Variants in CNRIP1 observed in about 807,000 individuals in gnomAD.
CNRIP1 encodes cannabinoid receptor interacting protein 1.
Under a neutral mutation model 15.2 loss-of-function variants are expected in CNRIP1, and 10 were observed. That is an observed-to-expected ratio of 0.66 (90% CI 0.41 to 1.12). The LOEUF (loss-of-function observed/expected upper bound fraction) is 1.12. Ranked by LOEUF, CNRIP1 falls within the 50% of genes most tolerant of loss-of-function variation. The pLI is 0.00. For synonymous variants in CNRIP1, 91 were observed against 83.2 expected (o/e 1.09, Z -0.51); for missense variants, 211 against 214.7 (o/e 0.98, Z 0.11).
At position 68,317,282 on chromosome 2, in the gene CNRIP1, C is replaced by G; in HGVS notation, c.205G>C (p.Val69Leu). 6.2e-7 allele frequency: 1 copy of G among 1,614,082 alleles called. No homozygotes were observed. Among genetic ancestry groups the G allele is most frequent in the Non-Finnish European group, 8.5e-7 (1 of 1,180,032 alleles). ...VENISIGGVL[V>L]PLELKSKEPD... ...TCTTTAGACTTCAGTTCCAGTGGGA[C>G]AAGCACACCACCAATGGAAATATTC... is the stretch of plus-strand genomic sequence containing the variant. Residue 69 changes from valine (V) to leucine (L), a missense_variant, in exon 2 of 3, where the codon GTC becomes CTC. Transcript: ENST00000263655.
At chr2:68,289,643 G>A (rs376290720), downstream of CNRIP1, among the ~76,000 whole-genome samples, 294 of 152,090 alleles carry the variant, frequency 1.9e-3, 1 homozygote, top group African/African-American at 6.8e-3. Context: ...ACCACGCCCA[G>A]CTAATTTTTG....
chr2:68,292,138 C>G (rs1671188612), downstream of CNRIP1, among the ~76,000 whole-genome samples: 1 of 152,018 alleles, frequency 6.6e-6, no homozygotes, highest in Admixed American at 6.5e-5. Flanking sequence ...ATCTCAATGT[C>G]TGTTCAAATA....
chr2:68,296,205 A>G (rs1671350851), intron 2 of CNRIP1, among the ~76,000 whole-genome samples: 1 of 152,226 alleles, frequency 6.6e-6, no homozygotes. Flanking sequence ...TTTATTTTAT[A>G]TTGTTACATG....
intron 2 of CNRIP1, among the ~76,000 whole-genome samples, chr2:68,314,874 T>C (rs576125162): frequency 1.3e-5 from 2 of 152,134 alleles, no homozygotes; most frequent in East Asian, 3.9e-4. Context: ...TGAAATAATA[T>C]CTAAATCTGT....
intron 2 of CNRIP1, among the ~76,000 whole-genome samples, chr2:68,287,530 TGCTATGGGTCCAACAAAAGGTG>T (rs1435816031): frequency 6.6e-6 from 1 of 152,252 alleles, no homozygotes; most frequent in Non-Finnish European, 1.5e-5. Context: ...TTCTCACTTA[TGCTATGGGTCCAACAAAAGGTG>T]GCTAGGGTTC....
chr2:68,309,747 A>G (rs549414810), intron 2 of CNRIP1, among the ~76,000 whole-genome samples: 1 of 152,336 alleles, frequency 6.6e-6, no homozygotes, highest in South Asian at 2.1e-4. Context: ...ATAACCTAGA[A>G]AAATCCTGGA....
intron 2 of CNRIP1, among the ~76,000 whole-genome samples, chr2:68,304,528 T>C (rs1045065645): frequency 1.3e-5 from 2 of 152,174 alleles, no homozygotes; most frequent in Non-Finnish European, 2.9e-5. Flanking sequence ...GGTTTCTATA[T>C]GTGAATTTTC....
intron 2 of CNRIP1, among the ~76,000 whole-genome samples, chr2:68,312,293 C>T (rs115528289): frequency 1.0e-3 from 151 of 151,662 alleles, no homozygotes; most frequent in Non-Finnish European, 1.8e-3. Flanking sequence ...GGTATTTAAC[C>T]TGGGAATTCA....
In CNRIP1 at chr2:68,293,421, A is replaced by G. The variant is rs1671230009; in HGVS notation, c.*441T>C. The G allele has an allele frequency of 3.0e-6, 3 of 986,748 alleles. No homozygotes were observed. Among genetic ancestry groups the G allele is most frequent in the Non-Finnish European group, 2.4e-6 (2 of 830,702 alleles). 61.1% of individuals were successfully genotyped at this position (986,748 alleles called of 1,614,324 possible). On this transcript the variant is annotated 3_prime_UTR_variant, in exon 3 of 3. Coordinates refer to ENST00000263655, the MANE Select transcript of CNRIP1 (RefSeq NM_015463.3). ...AAAGCTGGCAAACACTGCAAGTTAC[A>G]TGTTACCATATTACACATGGGAGGA...
intron 2 of CNRIP1, among the ~76,000 whole-genome samples, chr2:68,308,022 A>G (rs1393168985): frequency 6.6e-6 from 1 of 152,048 alleles, no homozygotes; most frequent in African/African-American, 2.4e-5. Context: ...GTGAGACTCC[A>G]TCTCCACAAA....
chr2:68,318,296 AC>A (rs1393410477), intron 1 of CNRIP1, among the ~76,000 whole-genome samples: 1 of 152,092 alleles, frequency 6.6e-6, no homozygotes, highest in Admixed American at 6.5e-5. Context: ...AAGTCCTTCC[AC>A]CCCCGCAATA....
chr2:68,293,328 T>C lies in CNRIP1; in HGVS notation c.*534A>G, dbSNP rs1671227768. 1.0e-6 allele frequency: 1 copy of C among 986,250 alleles called. No individual in the cohort carries two copies. Among genetic ancestry groups the C allele is most frequent in the African/African-American group, 1.7e-5 (1 of 57,262 alleles). 61.1% of individuals were successfully genotyped at this position (986,250 alleles called of 1,614,324 possible). ...CCTTCCCTGAAAGAGCGGAGCTGTT[T>C]ATAGGAAGCACAACATTTGAGTCCC... is the stretch of plus-strand genomic sequence containing the variant. On this transcript the variant is annotated 3_prime_UTR_variant, in exon 3 of 3. Transcript: ENST00000263655.
chr2:68,318,263 A>G (rs1050241929), intron 1 of CNRIP1, among the ~76,000 whole-genome samples: 1 of 152,286 alleles, frequency 6.6e-6, no homozygotes, highest in Middle Eastern at 3.4e-3. Context: ...AACGTAAGCT[A>G]TAAGTAGTAT....
chr2:68,294,616 A>G (rs1249603691), intron 2 of CNRIP1, among the ~76,000 whole-genome samples: 2 of 152,250 alleles, frequency 1.3e-5, no homozygotes, highest in East Asian at 1.9e-4. Context: ...ACCTGTCTAC[A>G]ATACATCTAC....
chr2:68,304,766 GTGTT>G, intron 2 of CNRIP1, among the ~76,000 whole-genome samples: 1 of 152,022 alleles, frequency 6.6e-6, no homozygotes, highest in East Asian at 1.9e-4. Context: ...GACTACAGGC[GTGTT>G]TGTATCTTAT....
intron 2 of CNRIP1, among the ~76,000 whole-genome samples, chr2:68,298,877 T>C (rs1209955273): frequency 6.6e-6 from 1 of 152,154 alleles, no homozygotes; most frequent in Non-Finnish European, 1.5e-5. Context: ...ACAGGAACAA[T>C]TATACAGGCT....
At chr2:68,308,410 T>C (rs1671942387) in intron 2 of CNRIP1, among the ~76,000 whole-genome samples, 1 of 152,162 alleles carries the variant, frequency 6.6e-6, no homozygotes, top group Non-Finnish European at 1.5e-5. Context: ...CTTGAAGAAG[T>C]GTCATATTTC....
chr2:68,288,371 C>T (rs1184523058), downstream of CNRIP1, among the ~76,000 whole-genome samples: 2 of 152,024 alleles, frequency 1.3e-5, no homozygotes, highest in African/African-American at 2.4e-5. Context: ...GCGTTCCAAG[C>T]AGAGGGAACA....
chr2:68,319,672 A>G lies in CNRIP1; in HGVS notation c.-272T>C, dbSNP rs1156419564. 2.4e-6 allele frequency: 1 copy of G among 416,706 alleles called. No individual in the cohort carries two copies. The highest frequency in any genetic ancestry group is 4.3e-6 in the Non-Finnish European group (1 of 232,234). The allele number at this position is 416,706 out of a possible 1,614,324, so 25.8% of individuals were successfully genotyped here. On this transcript the variant is annotated 5_prime_UTR_variant, in exon 1 of 3. Transcript: ENST00000263655. ...CGCGCGCTTCCCCATCCCCCGCTCCAGTGCTGCGCCCTCCACGCACCCGAA... is the reference window on the plus strand; with the variant it reads ...CGCGCGCTTCCCCATCCCCCGCTCCGGTGCTGCGCCCTCCACGCACCCGAA...
Sources: allele counts gnomAD v4.1 joint callset (sites outside exome capture counted in the v4.1 genomes callset), GRCh38; gene constraint gnomAD v4.1.1; transcripts MANE v1.5; gene names NCBI Gene and HGNC (gene_info 2026-07-23, HGNC 2026-07-21).